The following OSGIN2 variants were observed in gnomAD, a reference collection of about 807,000 sequenced individuals.
OSGIN2 encodes the protein oxidative stress-induced growth inhibitor 2.
A neutral mutation model predicts 53.8 loss-of-function variants in OSGIN2; 19 were observed. That is an observed-to-expected ratio of 0.35 (90% CI 0.25 to 0.52). The LOEUF (loss-of-function observed/expected upper bound fraction) is 0.52, where lower values mean the gene tolerates loss of function less well. OSGIN2 is among the 20% of genes least tolerant of loss of function. The pLI is 0.95. For synonymous variants in OSGIN2, 236 were observed against 236.0 expected, an observed-to-expected ratio of 1.00 and a Z score of 0.00; for missense variants, 520 against 662.7, an observed-to-expected ratio of 0.78 and a Z score of 2.36.
intron 4 of OSGIN2, among the ~76,000 whole-genome samples, chr8:89,916,010 T>C (rs890346787): frequency 1.3e-5 from 2 of 152,022 alleles, no homozygotes; most frequent in African/African-American, 4.8e-5. Context: ...CAAATGCCTG[T>C]AACTGTGAAA....
chr8:89,925,193 T>C lies in OSGIN2; in HGVS notation c.1311T>C (p.Val437=). 1 of 1,614,152 alleles carries C rather than the reference T, an allele frequency of 6.2e-7. No homozygotes were observed. Among genetic ancestry groups the C allele is most frequent in the South Asian group, 1.1e-5 (1 of 91,086 alleles). The change falls in exon 6 of 6, where the codon GTT becomes GTC. Residue 437 remains valine, a synonymous_variant. Coordinates refer to ENST00000451899, the MANE Select transcript of OSGIN2 (RefSeq NM_001126111.3). Reference sequence around the variant, plus strand: ...CCTTTAAGTCGGACATGAAATGTGTTCTCCAAAGCGTTTCTGGATTGAAGA... The same window carrying C: ...CCTTTAAGTCGGACATGAAATGTGTCCTCCAAAGCGTTTCTGGATTGAAGA... The part of the protein sequence containing the change: ...VLSFKSDMKC[V]LQSVSGLKKI...
intron 2 of OSGIN2, among the ~76,000 whole-genome samples, chr8:89,913,100 T>C (rs370046923): frequency 6.6e-6 from 1 of 152,202 alleles, no homozygotes; most frequent in African/African-American, 2.4e-5. Flanking sequence ...TCACACATCA[T>C]GTGACCTCTG....
At chr8:89,907,979 T>C (rs1563464153) in intron 1 of OSGIN2, among the ~76,000 whole-genome samples, 1 of 152,206 alleles carries the variant, frequency 6.6e-6, no homozygotes, top group African/African-American at 2.4e-5. Context: ...TCTGATTTCT[T>C]TGAGCAGTGG....
rs769916087 is a variant in OSGIN2 at position 89,921,139 on chromosome 8, T to G, written c.588T>G (p.Leu196=). Residue 196 remains leucine (L), a synonymous_variant, in exon 5 of 6, where the codon CTT becomes CTG. Coordinates refer to ENST00000451899, the MANE Select transcript of OSGIN2 (RefSeq NM_001126111.3). ...SFGSWMELPG[L]KFKDWVSSKR... is the part of the protein sequence containing the mutation. Reference sequence around the variant, plus strand: ...GAAGTTGGATGGAACTACCTGGACTTAAATTTAAGGACTGGGTATCAAGTA... The same window carrying G: ...GAAGTTGGATGGAACTACCTGGACTGAAATTTAAGGACTGGGTATCAAGTA... The G allele has an allele frequency of 6.2e-7, 1 of 1,603,846 alleles. No individual in the cohort carries two copies. Among genetic ancestry groups the G allele is most frequent in the Non-Finnish European group, 8.5e-7 (1 of 1,173,060 alleles).
chr8:89,912,803 T>G (rs1320177744), intron 2 of OSGIN2, among the ~76,000 whole-genome samples: 6 of 148,946 alleles, frequency 4.0e-5, no homozygotes, highest in African/African-American at 1.2e-4. Flanking sequence ...GGCTTGGAGG[T>G]TAGGGTTTTT....
At chr8:89,909,499 A>C in intron 1 of OSGIN2, 68 bp from the exon 2 acceptor site, 2 of 779,946 alleles carry the variant, frequency 2.6e-6, no homozygotes, top group Non-Finnish European at 3.7e-6. Context: ...AACTCGGAGT[A>C]GAGATTGATT....
intron 2 of OSGIN2, among the ~76,000 whole-genome samples, chr8:89,910,655 G>T (rs560019493): frequency 2.6e-5 from 4 of 152,124 alleles, no homozygotes; most frequent in Admixed American, 1.3e-4. Context: ...GGGACCATAC[G>T]TCATGTTTCA....
intron 1 of OSGIN2, among the ~76,000 whole-genome samples, chr8:89,905,189 C>T (rs977774112): frequency 3.9e-5 from 6 of 152,144 alleles, no homozygotes. Context: ...AAACTTTGTG[C>T]TGTAATGTTT....
Position 89,924,596 on chromosome 8 carries a change from GAATA to G in OSGIN2, c.715_718del (p.Asn239LeufsTer3). 6.2e-7 allele frequency: 1 copy of G among 1,613,442 alleles called. No homozygotes were observed. Among genetic ancestry groups the G allele is most frequent in the Non-Finnish European group, 8.5e-7 (1 of 1,179,452 alleles). On this transcript the variant is annotated frameshift_variant, in exon 6 of 6. Transcript: ENST00000451899. LOFTEE classifies it high-confidence loss of function. ...TGGGTCTTCAGAAGAATTTCAGAGA[GAATA>G]CTTACATAACTTCCGTATCAAGACT...
At chr8:89,917,163 C>G (rs1264718769) in intron 4 of OSGIN2, among the ~76,000 whole-genome samples, 6 of 152,078 alleles carry the variant, frequency 3.9e-5, no homozygotes. Flanking sequence ...CTTTTTGTTC[C>G]TTGGTCTCCT....
intron 3 of OSGIN2, 58 bp from the exon 4 acceptor site, chr8:89,914,497 T>C (rs1809036600): frequency 7.5e-7 from 1 of 1,326,090 alleles, no homozygotes; most frequent in Non-Finnish European, 1.1e-6. Context: ...AGCATTAGAA[T>C]ATACTATCTG....
intron 5 of OSGIN2, among the ~76,000 whole-genome samples, chr8:89,922,544 A>C (rs937052307): frequency 6.6e-6 from 1 of 152,218 alleles, no homozygotes; most frequent in Non-Finnish European, 1.5e-5. Context: ...ATATGTGCAA[A>C]TGAATTTTGT....
chr8:89,911,627 TAAA>T (rs76846705), intron 2 of OSGIN2, among the ~76,000 whole-genome samples: 5 of 93,926 alleles, frequency 5.3e-5, no homozygotes, highest in Admixed American at 1.2e-4. Flanking sequence ...AAACTCTGTC[TAAA>T]AAAAAAAAAA....
At chr8:89,903,623 T>C (rs1213791883) in intron 1 of OSGIN2, among the ~76,000 whole-genome samples, 5 of 152,196 alleles carry the variant, frequency 3.3e-5, no homozygotes, top group Admixed American at 3.3e-4. Context: ...AAATAGTGGG[T>C]TTCATACAAT....
intron 4 of OSGIN2, among the ~76,000 whole-genome samples, chr8:89,919,713 T>C (rs1425433584): frequency 2.0e-5 from 3 of 152,192 alleles, no homozygotes; most frequent in Admixed American, 1.3e-4. Flanking sequence ...GAATTTCTTT[T>C]GACTCCTTGA....
At chr8:89,906,389 A>T (rs565553554) in intron 1 of OSGIN2, among the ~76,000 whole-genome samples, 1 of 152,184 alleles carries the variant, frequency 6.6e-6, no homozygotes, top group African/African-American at 2.4e-5. Context: ...TGGGTTGAAC[A>T]AACTTGCATT....
intron 5 of OSGIN2, chr8:89,921,439 C>G: frequency 3.2e-6 from 1 of 313,518 alleles, no homozygotes; most frequent in South Asian, 7.7e-5. Context: ...TTACATCACT[C>G]TCTGTTTAGT....
intron 1 of OSGIN2, among the ~76,000 whole-genome samples, chr8:89,905,215 G>A (rs1478427923): frequency 6.6e-6 from 1 of 152,172 alleles, no homozygotes; most frequent in Admixed American, 6.5e-5. Flanking sequence ...ACAAAAAATG[G>A]AAGGCCTCTA....
In OSGIN2 at chr8:89,924,915, G is replaced by A; in HGVS notation, c.1033G>A (p.Val345Met). The A allele has an allele frequency of 5.6e-6, 9 of 1,614,186 alleles. No homozygotes were observed. The highest frequency in any genetic ancestry group is 7.6e-6 in the Non-Finnish European group (9 of 1,180,016). The change falls in exon 6 of 6, where the codon GTG (valine) becomes ATG (methionine). Residue 345 changes from valine to methionine, a missense_variant. Around this residue, in one of 3 missense-constraint regions of OSGIN2, gnomAD observed 239 missense variants for 328.3 expected, o/e 0.73. Coordinates refer to ENST00000451899, the MANE Select transcript of OSGIN2 (RefSeq NM_001126111.3). The stretch of plus-strand genomic sequence containing the variant: ...AAACAAAGGAAAGTTGCGTGGCAAA[G>A]TGGATCCAGTGTTAATTGTAGGTTC... ...AINKGKLRGK[V>M]DPVLIVGSGL...
Sources: allele counts gnomAD v4.1 joint callset (sites outside exome capture counted in the v4.1 genomes callset), GRCh38; gene constraint gnomAD v4.1.1; regional missense constraint gnomAD v4.1.1; transcripts MANE v1.5; gene names NCBI Gene and HGNC (gene_info 2026-07-23, HGNC 2026-07-21).